The following WDR18 variants were observed in gnomAD, a reference collection of about 807,000 sequenced individuals.
The protein encoded by WDR18 is WD repeat domain 18, also known as WD repeat-containing protein 18.
WDR18 carries 33 observed loss-of-function variants against 49.6 expected under a neutral mutation model. The observed-to-expected ratio is 0.67, with a 90% CI of 0.50 to 0.89. The LOEUF is 0.89. Among genes scored for constraint, WDR18 ranks in the 40% least tolerant of loss-of-function variants. WDR18 has a pLI of 0.00. For missense variants in WDR18, 653 were observed against 593.6 expected (o/e 1.10, Z -1.04); for synonymous variants, 315 against 263.6 (o/e 1.19, Z -1.89).
In WDR18 at chr19:985,894, C is replaced by T. The variant is rs1284611107; in HGVS notation, c.240C>T (p.Pro80=). 1.5e-5 allele frequency: 25 copies of T among 1,613,882 alleles called. No homozygotes were observed. The highest frequency in any genetic ancestry group is 2.2e-5 in the East Asian group (1 of 44,884). ...KDQLQQKIMC[P]GPVTCLTASP... ...AGCTCCAGCAGAAGATCATGTGCCC[C>T]GGGCCTGTCACCTGTCTGACTGCAT... The change falls in exon 2 of 10, where the codon CCC becomes CCT. Residue 80 remains proline (P), a synonymous_variant. Coordinates refer to ENST00000585809, the MANE Select transcript of WDR18 (RefSeq NM_024100.4).
chr19:986,515 C>T (rs35963322), intron 2 of WDR18, among the ~76,000 whole-genome samples: 72,451 of 152,056 alleles, frequency 0.48, 17,677 homozygotes, highest in Non-Finnish European at 0.53. Context: ...GTGATCCACC[C>T]GCCTCGGCCC....
chr19:987,092 C>T (rs1222347357), intron 2 of WDR18, among the ~76,000 whole-genome samples: 1 of 152,218 alleles, frequency 6.6e-6, no homozygotes, highest in East Asian at 1.9e-4. Context: ...CCTGGAATCC[C>T]AGCACTTTGG....
upstream of WDR18, among the ~76,000 whole-genome samples, chr19:982,933 GC>G (rs2038433000): frequency 1.3e-5 from 2 of 152,238 alleles, no homozygotes; most frequent in South Asian, 4.1e-4. Context: ...CCAGCCTCCT[GC>G]CCCGGCCGTG....
At position 990,953 on chromosome 19, in the gene WDR18, G is replaced by C; in HGVS notation, c.699G>C (p.Gly233=). Residue 233 remains glycine (G), a synonymous_variant, in exon 5 of 10, where the codon GGG becomes GGC. Transcript: ENST00000585809. ...MDLAEHHMFC[G]GSEGSIFQVD... ...TGGCTGAGCACCATATGTTCTGCGG[G>C]GGCAGTGAGGGCTCCATCTTCCAGG... 9 of 1,612,114 alleles carry C rather than the reference G, an allele frequency of 5.6e-6. No individual in the cohort carries two copies. The highest frequency in any genetic ancestry group is 7.6e-6 in the Non-Finnish European group (9 of 1,179,508).
chr19:984,486 G>A lies in WDR18; in HGVS notation c.133G>A (p.Ala45Thr). 3 of 1,570,580 alleles carry A rather than the reference G, an allele frequency of 1.9e-6. No individual in the cohort carries two copies. Among genetic ancestry groups the A allele is most frequent in the Non-Finnish European group, 2.6e-6 (3 of 1,160,674 alleles). ...CGGCCAGGCGGGACCCCGCGGCCTGGCGCTGCTCAATGGCGAGTATCTGCT... is the reference window on the plus strand; with the variant it reads ...CGGCCAGGCGGGACCCCGCGGCCTGACGCTGCTCAATGGCGAGTATCTGCT... ...RGGQAGPRGL[A>T]LLNGEYLLAA... is the part of the protein sequence containing the mutation. The change falls in exon 1 of 10, where the codon GCG becomes ACG. Residue 45 changes from alanine (A) to threonine (T), a missense_variant. Transcript: ENST00000585809.
chr19:984,571 G>C lies in WDR18; in HGVS notation c.210+8G>C. 4 of 1,462,788 alleles carry C rather than the reference G, an allele frequency of 2.7e-6. No individual in the cohort carries two copies. Among genetic ancestry groups the C allele is most frequent in the South Asian group, 2.7e-5 (2 of 73,170 alleles). 90.6% of individuals were successfully genotyped at this position (1,462,788 alleles called of 1,614,324 possible). A position where few individuals can be genotyped will look rare whatever the true frequency, so the allele number is the denominator to read the frequency against. ...TGGGAGCTCCAGCGGAAGGTGCGGC[G>C]GTGCGGTCTCGCTGCTGGGGTCATG... On this transcript the variant is annotated splice_region_variant and intron_variant, in intron 1 of 9. Coordinates refer to ENST00000585809, the MANE Select transcript of WDR18 (RefSeq NM_024100.4).
At chr19:991,490 C>T (rs1599447878) in intron 7 of WDR18, 139 bp downstream of exon 7, 4 of 207,276 alleles carry the variant, frequency 1.9e-5, no homozygotes, top group African/African-American at 1.0e-4. Flanking sequence ...GGCTGTGGGG[C>T]GGGGCCTGGC....
At chr19:993,958 G>C (rs2038595420) in intron 8 of WDR18, 62 bp from the exon 9 acceptor site, 1 of 1,532,304 alleles carries the variant, frequency 6.5e-7, no homozygotes, top group Non-Finnish European at 8.8e-7. Flanking sequence ...GGGGTGGGAT[G>C]GGCAAAGCGT....
upstream of WDR18, among the ~76,000 whole-genome samples, chr19:983,200 TAA>T (rs2145498287): frequency 6.6e-6 from 1 of 152,322 alleles, no homozygotes; most frequent in African/African-American, 2.4e-5. Context: ...CCCAGCGGTT[TAA>T]GAGGCCAAGG....
chr19:990,971 C>G lies in WDR18; in HGVS notation c.717C>G (p.Ile239Met), dbSNP rs150140459. 9.6e-5 allele frequency: 155 copies of G among 1,610,566 alleles called. No individual in the cohort carries two copies. In the African/African-American group the frequency reaches 1.8e-3, roughly 19 times the overall value. The change falls in exon 5 of 10, where the codon ATC becomes ATG. Residue 239 changes from isoleucine (I) to methionine (M), a missense_variant. By Grantham distance (10) the Ile-to-Met change is conservative. Coordinates refer to ENST00000585809, the MANE Select transcript of WDR18 (RefSeq NM_024100.4). ...TCTGCGGGGGCAGTGAGGGCTCCAT[C>G]TTCCAGGTCGACCTCTTCACCTGGG... ...HMFCGGSEGSIFQVDLFTWPG... is the reference protein window; with the variant it reads ...HMFCGGSEGSMFQVDLFTWPG...
intron 2 of WDR18, among the ~76,000 whole-genome samples, chr19:987,737 A>T (rs1160980311): frequency 1.4e-5 from 2 of 146,658 alleles, no homozygotes; most frequent in Admixed American, 1.4e-4. Flanking sequence ...CCCATGGGGG[A>T]TGTCTTAGGC....
chr19:994,277 A>T lies in WDR18; in HGVS notation c.1232A>T (p.Asn411Ile). 1 of 1,610,480 alleles carries T rather than the reference A, an allele frequency of 6.2e-7. No individual in the cohort carries two copies. The highest frequency in any genetic ancestry group is 8.5e-7 in the Non-Finnish European group (1 of 1,179,132). The change falls in exon 10 of 10, where the codon AAC (asparagine) becomes ATC (isoleucine). Residue 411 changes from asparagine (N) to isoleucine (I), a missense_variant. Asn to Ile is a moderately radical substitution (Grantham distance 149, BLOSUM62 -3). Transcript: ENST00000585809. ...ACGGAGCTGGAGGACGAGGTGCGCA[A>T]CCTGCGCAAGATCAATCGGGACCTG... ...RVTELEDEVR[N>I]LRKINRDLFD... is the part of the protein sequence containing the mutation.
chr19:994,317 G>A lies in WDR18; in HGVS notation c.1272G>A (p.Thr424=), dbSNP rs1014824745. Residue 424 remains threonine (T), a synonymous_variant, in exon 10 of 10, where the codon ACG becomes ACA. Transcript: ENST00000585809. ...KINRDLFDFS[T]RFITRPAK ...ATCGGGACCTGTTCGACTTCTCCAC[G>A]CGCTTCATCACGCGGCCGGCCAAGT... 1.9e-6 allele frequency: 3 copies of A among 1,610,568 alleles called. No homozygotes were observed. Among genetic ancestry groups the A allele is most frequent in the African/African-American group, 1.3e-5 (1 of 74,880 alleles).
At chr19:991,193 GCACGTCC>G (rs201259019) in intron 6 of WDR18, 27 bp from the exon 7 acceptor site, 1 of 1,394,510 alleles carries the variant, frequency 7.2e-7, no homozygotes, top group Middle Eastern at 1.8e-4. Context: ...GTCCTGTCTG[GCACGTCC>G]CAGGTGACCC....
rs774497105 is a variant in WDR18, at chr19:992,004, C to G, written c.981C>G (p.Ser327Arg). 1.9e-6 allele frequency: 3 copies of G among 1,598,368 alleles called. No individual in the cohort carries two copies. Among genetic ancestry groups the G allele is most frequent in the Non-Finnish European group, 2.6e-6 (3 of 1,176,258 alleles). Residue 327 changes from serine to arginine, a missense_variant, in exon 8 of 10, where the codon AGC becomes AGG. By Grantham distance (110) the Ser-to-Arg change is moderately radical (BLOSUM62 -1). Coordinates refer to ENST00000585809, the MANE Select transcript of WDR18 (RefSeq NM_024100.4). ...TGCTGGCGCCCGTCAGCATGCTGAG[C>G]TCAGACTTCAGGCCCAGCCTGCCGC... Reference protein sequence around the residue: ...AILLAPVSMLSSDFRPSLPLP... With the variant: ...AILLAPVSMLRSDFRPSLPLP...
In WDR18 at chr19:994,321, TTCA is replaced by T. The variant is rs1440263926; in HGVS notation, c.1280_1282del (p.Ile427del). On this transcript the variant is annotated inframe_deletion, in exon 10 of 10. Coordinates refer to ENST00000585809, the MANE Select transcript of WDR18 (RefSeq NM_024100.4). The stretch of plus-strand genomic sequence containing the variant: ...GGACCTGTTCGACTTCTCCACGCGC[TTCA>T]TCACGCGGCCGGCCAAGTGAGGCCC... The T allele has an allele frequency of 1.2e-6, 2 of 1,610,344 alleles. No individual in the cohort carries two copies. The highest frequency in any genetic ancestry group is 2.2e-5 in the South Asian group (2 of 90,828).
Position 994,050 on chromosome 19 carries a change from G to C in WDR18, c.1129G>C (p.Glu377Gln). The change falls in exon 9 of 10, where the codon GAG (glutamate) becomes CAG (glutamine). Residue 377 changes from glutamate (E) to glutamine (Q), a missense_variant. Coordinates refer to ENST00000585809, the MANE Select transcript of WDR18 (RefSeq NM_024100.4). ...GSEPSYLDRT[E>Q]QLQAVLCSTM... ...GGAGCCCAGCTACCTGGACCGCACG[G>C]AGCAGCTGCAGGCCGTCCTGTGCAG... The C allele has an allele frequency of 1.3e-6, 2 of 1,561,198 alleles. No individual in the cohort carries two copies. The highest frequency in any genetic ancestry group is 8.7e-7 in the Non-Finnish European group (1 of 1,153,936).
At chr19:989,982 G>A (rs1171303038) in intron 3 of WDR18, 87 bp downstream of exon 3, 1 of 1,516,218 alleles carries the variant, frequency 6.6e-7, no homozygotes, top group Non-Finnish European at 8.8e-7. Flanking sequence ...TGGCGGGAAG[G>A]GGCTTCTCTC....
At chr19:990,710 A>G (rs2038533456) in intron 4 of WDR18, 142 bp from the exon 5 acceptor site, 2 of 1,283,110 alleles carry the variant, frequency 1.6e-6, no homozygotes, top group Admixed American at 2.9e-5. Flanking sequence ...CCCAAGACCC[A>G]CATGGTGACG....
Sources: gnomAD v4.1 joint callset for allele counts (sites outside exome capture counted in the v4.1 genomes callset) on GRCh38, gnomAD v4.1.1 for gene constraint, MANE v1.5 for transcripts, NCBI Gene and HGNC (gene_info 2026-07-23, HGNC 2026-07-21) for gene names.